CSMD1: variants seen among roughly 807,000 people sequenced by gnomAD.
CSMD1 encodes CUB and Sushi multiple domains 1.
Under a neutral mutation model 417.5 loss-of-function variants are expected in CSMD1, and 213 were observed. The ratio of observed to expected loss-of-function variants is 0.51; its 90% confidence interval spans 0.46 to 0.57. CSMD1 has a LOEUF of 0.57. Ranked by LOEUF, CSMD1 falls within the 20% of genes least tolerant of loss-of-function variation. The pLI, the probability that CSMD1 is intolerant of heterozygous loss-of-function variation, is 0.00. For synonymous variants in CSMD1, 2,862 were observed against 1,736.8 expected, an observed-to-expected ratio of 1.65 and a Z score of -16.11; for missense variants, 6,923 against 4,529.7, an observed-to-expected ratio of 1.53 and a Z score of -15.17.
intron 3 of CSMD1, among the ~76,000 whole-genome samples, chr8:4,333,192 C>T (rs532026696): frequency 2.0e-5 from 3 of 152,098 alleles, no homozygotes; most frequent in Non-Finnish European, 4.4e-5. Flanking sequence ...GGATATCATG[C>T]CACTCACAGT....
intron 5 of CSMD1, among the ~76,000 whole-genome samples, chr8:3,996,222 G>C (rs1181288881): frequency 1.3e-5 from 2 of 152,146 alleles, no homozygotes; most frequent in African/African-American, 2.4e-5. Context: ...TACTAGCAAG[G>C]TGTGCAGTCA....
At chr8:4,584,322 G>A (rs533832915) in intron 2 of CSMD1, among the ~76,000 whole-genome samples, 3 of 151,854 alleles carry the variant, frequency 2.0e-5, no homozygotes, top group African/African-American at 2.4e-5. Flanking sequence ...GCCTATCGCC[G>A]AGTAGTGAGA....
At chr8:4,199,170 G>C (rs1303092373) in intron 3 of CSMD1, among the ~76,000 whole-genome samples, 1 of 152,008 alleles carries the variant, frequency 6.6e-6, no homozygotes, top group Non-Finnish European at 1.5e-5. Flanking sequence ...CACAGCACTG[G>C]GGATGATCCT....
At chr8:3,862,537 TTTTC>T (rs1284457376) in intron 5 of CSMD1, among the ~76,000 whole-genome samples, 5 of 152,222 alleles carry the variant, frequency 3.3e-5, no homozygotes, top group African/African-American at 7.2e-5. Flanking sequence ...AAAATTCACC[TTTTC>T]TTTGAGATTT....
At chr8:4,925,960 G>C (rs1341199118) in intron 1 of CSMD1, among the ~76,000 whole-genome samples, 2 of 151,960 alleles carry the variant, frequency 1.3e-5, no homozygotes, top group Admixed American at 1.3e-4. Flanking sequence ...TTATATTTTT[G>C]TTTTCCTATT....
chr8:3,235,675 T>C lies in CSMD1; in HGVS notation c.4154-5444A>G, dbSNP rs183765745. 2.2e-3 allele frequency among the ~76,000 whole-genome samples: 337 copies of C among 152,290 alleles called. 1 individual carries two copies. Among genetic ancestry groups the C allele is most frequent in the African/African-American group, 7.7e-3 (319 of 41,576 alleles). On this transcript the variant is annotated intron_variant, in intron 26 of 69. Coordinates refer to ENST00000635120, the MANE Select transcript of CSMD1 (RefSeq NM_033225.6). ...TCCTTCCAAATAGAAGTCCACAGAA[T>C]ATCAGTAGAAACAGTGCCTTGCACT...
intron 3 of CSMD1, among the ~76,000 whole-genome samples, chr8:4,413,850 G>C (rs1394309675): frequency 1.3e-5 from 2 of 152,148 alleles, no homozygotes; most frequent in Non-Finnish European, 2.9e-5. Context: ...TATGAAATGA[G>C]GAAGGAATGT....
At chr8:4,178,558 A>C (rs1007951017) in intron 3 of CSMD1, among the ~76,000 whole-genome samples, 5 of 151,266 alleles carry the variant, frequency 3.3e-5, no homozygotes, top group African/African-American at 4.9e-5. Flanking sequence ...CCTATTCAAC[A>C]TAGTGTTGGA....
chr8:3,200,642 G>A (rs1378968907), intron 32 of CSMD1, among the ~76,000 whole-genome samples: 1 of 151,876 alleles, frequency 6.6e-6, no homozygotes, highest in Non-Finnish European at 1.5e-5. Flanking sequence ...TCTGTGTCAA[G>A]CAGTGGTGGG....
intron 3 of CSMD1, among the ~76,000 whole-genome samples, chr8:4,041,094 G>A (rs1220873026): frequency 3.6e-5 from 5 of 138,816 alleles, no homozygotes; most frequent in Admixed American, 7.7e-5. Flanking sequence ...TCGGCTCACT[G>A]CAAGCTCCGC....
intron 27 of CSMD1, among the ~76,000 whole-genome samples, chr8:3,226,763 G>A (rs1332188673): frequency 1.3e-5 from 2 of 152,030 alleles, no homozygotes; most frequent in Admixed American, 6.6e-5. Context: ...GCAATGGCAG[G>A]TGTTGAAAAT....
At chr8:3,894,863 T>C (rs1203766427) in intron 5 of CSMD1, among the ~76,000 whole-genome samples, 1 of 152,192 alleles carries the variant, frequency 6.6e-6, no homozygotes, top group African/African-American at 2.4e-5. Flanking sequence ...AGGAACATTA[T>C]TTTCACACCT....
chr8:4,049,292 C>A (rs1234037851), intron 3 of CSMD1, among the ~76,000 whole-genome samples: 2 of 151,916 alleles, frequency 1.3e-5, no homozygotes, highest in Non-Finnish European at 2.9e-5. Context: ...GATTGTCTGG[C>A]TGTAGGACAT....
At chr8:4,654,386 G>A (rs1016259283) in intron 1 of CSMD1, among the ~76,000 whole-genome samples, 7 of 152,066 alleles carry the variant, frequency 4.6e-5, no homozygotes, top group African/African-American at 4.8e-5. Context: ...CCACCCCTCT[G>A]ATGCTCTCTA....
intron 33 of CSMD1, among the ~76,000 whole-genome samples, chr8:3,195,593 C>T (rs183602215): frequency 1.3e-5 from 2 of 152,140 alleles, no homozygotes; most frequent in Non-Finnish European, 2.9e-5. Context: ...GACAAAGATC[C>T]CTAAACCTGT....
intron 2 of CSMD1, among the ~76,000 whole-genome samples, chr8:4,563,118 T>C (rs2130619767): frequency 6.6e-6 from 1 of 152,228 alleles, no homozygotes; most frequent in Non-Finnish European, 1.5e-5. Context: ...ATAAAAACAA[T>C]GGGCCGGGCA....
intron 30 of CSMD1, among the ~76,000 whole-genome samples, chr8:3,208,216 G>A (rs917804286): frequency 2.6e-5 from 4 of 152,064 alleles, no homozygotes; most frequent in African/African-American, 9.7e-5. Context: ...ATAAAAAGTG[G>A]AAACGTCATC....
At chr8:4,441,565 C>G (rs73660810) in intron 2 of CSMD1, among the ~76,000 whole-genome samples, 1 of 152,114 alleles carries the variant, frequency 6.6e-6, no homozygotes, top group African/African-American at 2.4e-5. Context: ...GAAAGCCTAT[C>G]TCATCTATGC....
intron 3 of CSMD1, among the ~76,000 whole-genome samples, chr8:4,376,828 T>C (rs1319183781): frequency 1.3e-5 from 2 of 152,256 alleles, no homozygotes; most frequent in Non-Finnish European, 2.9e-5. Flanking sequence ...CTCACCCCTG[T>C]GATTTTGTCT....
Sources: gnomAD v4.1 joint callset for allele counts (sites outside exome capture counted in the v4.1 genomes callset) on GRCh38, gnomAD v4.1.1 for gene constraint, MANE v1.5 for transcripts, NCBI Gene and HGNC (gene_info 2026-07-23, HGNC 2026-07-21) for gene names.